Variants in PSMB7 observed in about 807,000 individuals in gnomAD.
PSMB7 encodes proteasome subunit beta type-7.
PSMB7 carries 5 observed loss-of-function variants against 28.1 expected under a neutral mutation model. The ratio of observed to expected loss-of-function variants is 0.18; its 90% confidence interval spans 0.09 to 0.37. The LOEUF is 0.37. PSMB7 is among the 10% of genes least tolerant of loss of function. The pLI, the probability that PSMB7 is intolerant of heterozygous loss-of-function variation, is 1.00. For synonymous variants in PSMB7, 122 were observed against 123.7 expected (o/e 0.99, Z 0.09); for missense variants, 275 against 346.2 (o/e 0.79, Z 1.63).
intron 6 of PSMB7, among the ~76,000 whole-genome samples, chr9:124,360,841 A>T (rs1350689541): frequency 6.6e-6 from 1 of 152,242 alleles, no homozygotes; most frequent in Non-Finnish European, 1.5e-5. Flanking sequence ...ACTTCATAAG[A>T]TTACTAACAA....
chr9:124,356,975 C>T lies in PSMB7; in HGVS notation c.571-60G>A, dbSNP rs1410294023. 73 of 1,595,670 alleles carry T rather than the reference C, an allele frequency of 4.6e-5. 1 individual carries two copies. The highest frequency in any genetic ancestry group is 5.7e-5 in the Non-Finnish European group (67 of 1,166,690). ...CCAAACTAGGGCCTGCTCTGACATC[C>T]GCAATGTACGTCCACTAGCAGTGCG... On this transcript the variant is annotated intron_variant, in intron 6 of 7. Transcript: ENST00000259457. This position sits in a 1 kb window ranked among gnomAD's most constrained non-coding sequence, Gnocchi z 4.4.
At chr9:124,370,618 T>A (rs1326736230) in intron 6 of PSMB7, among the ~76,000 whole-genome samples, 4 of 152,346 alleles carry the variant, frequency 2.6e-5, no homozygotes, top group Non-Finnish European at 4.4e-5. Flanking sequence ...GGGGCATTTT[T>A]AAATTACCAT....
In PSMB7 at chr9:124,353,663, CAGTG is replaced by C; in HGVS notation, c.765_768del (p.Thr256ArgfsTer36). On this transcript the variant is annotated frameshift_variant, in exon 8 of 8. Coordinates refer to ENST00000259457, the MANE Select transcript of PSMB7 (RefSeq NM_002799.4). LOFTEE classifies it high-confidence loss of function. ...TCAATCTCCAGAGGAGTGATTTTCT[CAGTG>C]AGGACTGCAGTAGTCCCTTTCTCAC... 1 of 1,614,120 alleles carries C rather than the reference CAGTG, an allele frequency of 6.2e-7. No homozygotes were observed. The highest frequency in any genetic ancestry group is 8.5e-7 in the Non-Finnish European group (1 of 1,179,954).
chr9:124,411,501 T>A (rs1831026945), intron 4 of PSMB7, among the ~76,000 whole-genome samples: 1 of 152,202 alleles, frequency 6.6e-6, no homozygotes, highest in Admixed American at 6.5e-5. Flanking sequence ...GGCAAAGAAT[T>A]TGTTAAAGGT....
rs138012326 is a variant in PSMB7, at chr9:124,398,978, C to T, written c.511+6339G>A. On this transcript the variant is annotated intron_variant, in intron 5 of 7. Transcript: ENST00000259457. ...GCACAGAGACATTCCCATAAATATG[C>T]TTTAAATTCAAAATAATACTAAGCT... Among the ~76,000 whole-genome samples the T allele has an allele frequency of 3.1e-3, 460 of 146,850 alleles. 2 individuals carry two copies. The highest frequency in any genetic ancestry group is 0.011 in the African/African-American group (442 of 39,570).
At chr9:124,410,010 AT>A (rs11396783) in intron 4 of PSMB7, among the ~76,000 whole-genome samples, 12 of 144,740 alleles carry the variant, frequency 8.3e-5, no homozygotes, top group African/African-American at 1.0e-4. Context: ...AGAATTTAGA[AT>A]TTTTTTTTTT....
At chr9:124,403,087 A>G (rs1460461114) in intron 5 of PSMB7, among the ~76,000 whole-genome samples, 1 of 152,216 alleles carries the variant, frequency 6.6e-6, no homozygotes, top group Non-Finnish European at 1.5e-5. Flanking sequence ...TAAGAGGTAA[A>G]TGACAGCTGG....
intron 5 of PSMB7, among the ~76,000 whole-genome samples, chr9:124,403,916 G>C (rs917089630): frequency 5.4e-5 from 8 of 149,084 alleles, no homozygotes; most frequent in African/African-American, 2.0e-4. Flanking sequence ...TAAACAGACA[G>C]GGTCTCACTC....
intron 6 of PSMB7, among the ~76,000 whole-genome samples, chr9:124,360,506 C>T (rs980899282): frequency 1.3e-5 from 2 of 152,238 alleles, no homozygotes; most frequent in Non-Finnish European, 2.9e-5. Flanking sequence ...AGGCATCTGC[C>T]CCCAGCCAGC....
At chr9:124,413,055 C>G (rs1239594091) in intron 3 of PSMB7, among the ~76,000 whole-genome samples, 1 of 149,788 alleles carries the variant, frequency 6.7e-6, no homozygotes, top group Non-Finnish European at 1.5e-5. Context: ...ATGGCTCATG[C>G]CTGTAATCCC....
intron 6 of PSMB7, among the ~76,000 whole-genome samples, chr9:124,369,574 A>G (rs775577360): frequency 6.6e-6 from 1 of 152,202 alleles, no homozygotes; most frequent in Non-Finnish European, 1.5e-5. Flanking sequence ...CTCACATTGA[A>G]GAGCGGATGC....
intron 6 of PSMB7, among the ~76,000 whole-genome samples, chr9:124,368,714 G>C (rs970985078): frequency 6.6e-6 from 1 of 152,196 alleles, no homozygotes; most frequent in Non-Finnish European, 1.5e-5. Flanking sequence ...AATTTTCTTT[G>C]AAAGTTTCAG....
At chr9:124,399,040 G>T in intron 5 of PSMB7, among the ~76,000 whole-genome samples, 1 of 15,952 alleles carries the variant, frequency 6.3e-5, no homozygotes, top group Non-Finnish European at 1.6e-4. Context: ...AAAAGGACCT[G>T]TCACATTTAC....
At chr9:124,409,838 T>C (rs1439385288) in intron 4 of PSMB7, among the ~76,000 whole-genome samples, 1 of 152,180 alleles carries the variant, frequency 6.6e-6, no homozygotes, top group African/African-American at 2.4e-5. Flanking sequence ...CTAAACTCTT[T>C]CCTTATACCA....
At chr9:124,360,363 T>C (rs1226915896) in intron 6 of PSMB7, among the ~76,000 whole-genome samples, 1 of 152,222 alleles carries the variant, frequency 6.6e-6, no homozygotes, top group Non-Finnish European at 1.5e-5. Flanking sequence ...TTCTGGAAGA[T>C]GCAGAGTGAC....
intron 5 of PSMB7, among the ~76,000 whole-genome samples, chr9:124,385,179 ACCAGGTTATT>A (rs1432708884): frequency 2.6e-5 from 4 of 152,250 alleles, no homozygotes; most frequent in African/African-American, 4.8e-5. Context: ...AGCAGCAGCC[ACCAGGTTATT>A]CCAGCTACAA....
chr9:124,413,948 T>G lies in PSMB7; in HGVS notation c.214A>C (p.Lys72Gln). 6.2e-7 allele frequency: 1 copy of G among 1,613,210 alleles called. No individual in the cohort carries two copies. The highest frequency in any genetic ancestry group is 8.5e-7 in the Non-Finnish European group (1 of 1,179,486). The change falls in exon 3 of 8, where the codon AAG becomes CAG. Residue 72 changes from lysine (K) to glutamine (Q), a missense_variant. Transcript: ENST00000259457. ...ATGAAGTGTATTTTTGAACAGTTCT[T>G]GTCAGCAACAACCATCCCTTCAGTT... ...RATEGMVVAD[K>Q]NCSKIHFISP... is the part of the protein sequence containing the mutation.
At chr9:124,382,277 G>A (rs535401109) in intron 6 of PSMB7, among the ~76,000 whole-genome samples, 199 of 121,934 alleles carry the variant, frequency 1.6e-3, no homozygotes, top group African/African-American at 5.4e-3. Flanking sequence ...GTATGATCTC[G>A]GCTCACTGCA....
intron 5 of PSMB7, among the ~76,000 whole-genome samples, chr9:124,403,869 A>G (rs530259468): frequency 3.3e-5 from 5 of 151,042 alleles, no homozygotes; most frequent in African/African-American, 1.2e-4. Context: ...CACCTTCTTC[A>G]TAAGACCTGT....
Sources: allele counts gnomAD v4.1 joint callset (sites outside exome capture counted in the v4.1 genomes callset), GRCh38; gene constraint gnomAD v4.1.1; non-coding constraint Gnocchi (gnomAD v3.1); transcripts MANE v1.5; gene names NCBI Gene and HGNC (gene_info 2026-07-23, HGNC 2026-07-21).